The following FBXL17 variants were observed in gnomAD, a reference collection of about 807,000 sequenced individuals.
FBXL17 encodes F-box/LRR-repeat protein 17.
In FBXL17, 22 loss-of-function variants were observed where a neutral mutation model predicts 66.2. That is an observed-to-expected ratio of 0.33 (90% CI 0.24 to 0.47). The LOEUF (loss-of-function observed/expected upper bound fraction) is 0.47. Among genes scored for constraint, FBXL17 ranks in the 20% least tolerant of loss-of-function variants. The pLI is 1.00. For missense variants in FBXL17, 878 were observed against 948.2 expected, an observed-to-expected ratio of 0.93 and a Z score of 0.97; for synonymous variants, 474 against 400.5, an observed-to-expected ratio of 1.18 and a Z score of -2.19.
At chr5:108,297,508 T>C (rs1270504213) in intron 4 of FBXL17, among the ~76,000 whole-genome samples, 1 of 151,696 alleles carries the variant, frequency 6.6e-6, no homozygotes, top group Non-Finnish European at 1.5e-5. Flanking sequence ...TTTCAGACTA[T>C]GTGGCAATTT....
rs1273965933 is a variant in FBXL17, at chr5:108,381,653, C to T, written c.39G>A (p.Pro13=). The part of the protein sequence containing the change: ...HLLSKEPRNR[P]SQKRPRCCSW... ...TGCAACAGCGAGGCCTCTTCTGGCT[C>T]GGGCGGTTACGCGGCTCCTTCGAGA... Residue 13 remains proline, a synonymous_variant, in exon 1 of 9, where the codon CCG becomes CCA. Coordinates refer to ENST00000542267, the MANE Select transcript of FBXL17 (RefSeq NM_001163315.3). 2.7e-6 allele frequency: 4 copies of T among 1,477,362 alleles called. No individual in the cohort carries two copies. The highest frequency in any genetic ancestry group is 1.8e-6 in the Non-Finnish European group (2 of 1,118,098). 91.5% of individuals were successfully genotyped at this position (1,477,362 alleles called of 1,614,324 possible).
chr5:108,062,254 A>G (rs1747952991), intron 6 of FBXL17, among the ~76,000 whole-genome samples: 2 of 152,152 alleles, frequency 1.3e-5, no homozygotes, highest in Non-Finnish European at 2.9e-5. Context: ...TGACCTTTTC[A>G]TTTGCTCTTC....
intron 7 of FBXL17, among the ~76,000 whole-genome samples, chr5:107,900,038 GA>G (rs1749520125): frequency 6.6e-6 from 1 of 152,068 alleles, no homozygotes; most frequent in African/African-American, 2.4e-5. Context: ...TAACATATTT[GA>G]AACATTTTTT....
chr5:108,207,083 TAATAA>T (rs1249394993), intron 5 of FBXL17, among the ~76,000 whole-genome samples: 3 of 152,114 alleles, frequency 2.0e-5, no homozygotes, highest in Non-Finnish European at 4.4e-5. Context: ...CAATAACTAA[TAATAA>T]AATAGAACAA....
chr5:108,135,057 T>A (rs769981771), intron 6 of FBXL17, among the ~76,000 whole-genome samples: 1 of 152,060 alleles, frequency 6.6e-6, no homozygotes, highest in African/African-American at 2.4e-5. Flanking sequence ...TCAAAAAGGG[T>A]AGCAATATAT....
chr5:108,001,012 A>G (rs1315473299), intron 7 of FBXL17, among the ~76,000 whole-genome samples: 4 of 152,222 alleles, frequency 2.6e-5, no homozygotes, highest in Non-Finnish European at 5.9e-5. Context: ...TACACAGGAA[A>G]TTATAAAATA....
At chr5:108,092,838 T>C (rs1749235561) in intron 6 of FBXL17, among the ~76,000 whole-genome samples, 2 of 152,152 alleles carry the variant, frequency 1.3e-5, no homozygotes, top group Admixed American at 1.3e-4. Flanking sequence ...ATGACATATT[T>C]TCAGAATTTG....
chr5:108,121,655 C>T lies in FBXL17; in HGVS notation c.1745+64462G>A, dbSNP rs999849789. 3.9e-5 allele frequency among the ~76,000 whole-genome samples: 6 copies of T among 151,902 alleles called. No individual in the cohort carries two copies. The South Asian group carries it at 6.2e-4, about 16-fold the overall frequency. ...CACTGCAAGCTCCGTCTCCAGGGATCACGCCATTCTCCTGCCTCAGCCTCC... is the reference window on the plus strand; with the variant it reads ...CACTGCAAGCTCCGTCTCCAGGGATTACGCCATTCTCCTGCCTCAGCCTCC... On this transcript the variant is annotated intron_variant, in intron 6 of 8. Coordinates refer to ENST00000542267, the MANE Select transcript of FBXL17 (RefSeq NM_001163315.3).
chr5:108,267,408 T>G (rs17161195), intron 4 of FBXL17, among the ~76,000 whole-genome samples: 1 of 152,154 alleles, frequency 6.6e-6, no homozygotes, highest in African/African-American at 2.4e-5. Flanking sequence ...TTAACAAATT[T>G]AGGTGGTCTG....
chr5:108,343,739 C>T (rs1420975740), intron 4 of FBXL17, among the ~76,000 whole-genome samples: 1 of 152,072 alleles, frequency 6.6e-6, no homozygotes, highest in Non-Finnish European at 1.5e-5. Flanking sequence ...CACCTAACTG[C>T]TACAACAGCC....
At chr5:108,129,361 A>G (rs1423175381) in intron 6 of FBXL17, among the ~76,000 whole-genome samples, 1 of 152,068 alleles carries the variant, frequency 6.6e-6, no homozygotes, top group Non-Finnish European at 1.5e-5. Flanking sequence ...TGCATCTTCA[A>G]GCAGGGTTGC....
chr5:108,374,808 G>T (rs988623594), intron 1 of FBXL17, among the ~76,000 whole-genome samples: 11 of 152,168 alleles, frequency 7.2e-5, no homozygotes, highest in Non-Finnish European at 1.3e-4. Context: ...AACTCATAAA[G>T]AAAACTAGAA....
chr5:108,234,330 T>C lies in FBXL17; in HGVS notation c.1507-10102A>G, dbSNP rs116245400. 2.7e-3 allele frequency among the ~76,000 whole-genome samples: 404 copies of C among 152,266 alleles called. 4 individuals are homozygous for C. Among genetic ancestry groups the C allele is most frequent in the African/African-American group, 9.3e-3 (386 of 41,560 alleles). On this transcript the variant is annotated intron_variant, in intron 4 of 8. Coordinates refer to ENST00000542267, the MANE Select transcript of FBXL17 (RefSeq NM_001163315.3). Reference sequence around the variant, plus strand: ...AGGCCTTAACGTGTGCCCAGCTAAGTCCTCTCTATCCATCATCTGAGAGCC... The same window carrying C: ...AGGCCTTAACGTGTGCCCAGCTAAGCCCTCTCTATCCATCATCTGAGAGCC...
intron 7 of FBXL17, among the ~76,000 whole-genome samples, chr5:107,989,329 C>G (rs1160358945): frequency 6.6e-6 from 1 of 152,064 alleles, no homozygotes; most frequent in Non-Finnish European, 1.5e-5. Flanking sequence ...CCATTCTACT[C>G]TACCTCTATG....
intron 6 of FBXL17, among the ~76,000 whole-genome samples, chr5:108,023,983 T>C (rs185030555): frequency 5.1e-4 from 78 of 152,324 alleles, no homozygotes; most frequent in African/African-American, 1.8e-3. Context: ...ATCATAGTCA[T>C]GAATTAGTTT....
chr5:108,297,847 C>A, intron 4 of FBXL17: 1 of 865,836 alleles, frequency 1.2e-6, no homozygotes, highest in Non-Finnish European at 1.4e-6. Flanking sequence ...ACATTCTATT[C>A]CTTTGGTAGA....
intron 4 of FBXL17, among the ~76,000 whole-genome samples, chr5:108,291,774 T>C (rs559809403): frequency 6.6e-5 from 10 of 152,272 alleles, no homozygotes; most frequent in African/African-American, 2.4e-4. Context: ...TTTCCATTAA[T>C]ACCTATGTCA....
At chr5:108,260,044 A>C (rs1380895408) in intron 4 of FBXL17, among the ~76,000 whole-genome samples, 1 of 151,706 alleles carries the variant, frequency 6.6e-6, no homozygotes, top group African/African-American at 2.4e-5. Context: ...CAAAAAAAAA[A>C]CCTATGTACG....
At chr5:108,019,861 A>T (rs1754521670) in intron 7 of FBXL17, among the ~76,000 whole-genome samples, 1 of 151,898 alleles carries the variant, frequency 6.6e-6, no homozygotes. Context: ...TTAGGAAAAA[A>T]CTCACAACCC....
Sources: allele counts gnomAD v4.1 joint callset (sites outside exome capture counted in the v4.1 genomes callset), GRCh38; gene constraint gnomAD v4.1.1; transcripts MANE v1.5; gene names NCBI Gene and HGNC (gene_info 2026-07-23, HGNC 2026-07-21).